The following MPRIP variants were observed in gnomAD, a reference collection of about 807,000 sequenced individuals.
MPRIP encodes the protein myosin phosphatase Rho-interacting protein.
Under a neutral mutation model 234.9 loss-of-function variants are expected in MPRIP, and 59 were observed. That is an observed-to-expected ratio of 0.25 (90% CI 0.20 to 0.31). The LOEUF (loss-of-function observed/expected upper bound fraction) is 0.31, where lower values mean the gene tolerates loss of function less well. MPRIP is among the 10% of genes least tolerant of loss of function. The pLI is 1.00. For synonymous variants in MPRIP, 1,144 were observed against 1,263.9 expected (o/e 0.91, Z 2.01); for missense variants, 2,436 against 3,071.0 (o/e 0.79, Z 4.89).
rs561802721 is a variant in MPRIP at position 17,096,949 on chromosome 17, C to T, written c.267+18873C>T. On this transcript the variant is annotated intron_variant, in intron 3 of 23. Transcript: ENST00000651222. ...GGGAAGACCAAGGGGCCAGCCATCG[C>T]AGGGAGCATAAGCACTGAGACAGGC... The T allele has an allele frequency of 9.2e-5, 36 of 390,648 alleles. No homozygotes were observed. The East Asian group carries it at 2.3e-3, about 25-fold the overall frequency. 24.2% of individuals were successfully genotyped at this position (390,648 alleles called of 1,614,324 possible).
chr17:17,135,191 T>G (rs2090670437), intron 5 of MPRIP, among the ~76,000 whole-genome samples: 1 of 152,256 alleles, frequency 6.6e-6, no homozygotes, highest in Non-Finnish European at 1.5e-5. Flanking sequence ...TGCTGTTGCC[T>G]GGATTCTGTG....
intron 16 of MPRIP, chr17:17,168,721 C>T: frequency 2.6e-6 from 1 of 387,574 alleles, no homozygotes; most frequent in Non-Finnish European, 5.2e-6. Context: ...ACCATGATAC[C>T]TGTGCCCTTA....
intron 20 of MPRIP, among the ~76,000 whole-genome samples, chr17:17,175,984 T>C (rs1326999439): frequency 6.6e-6 from 1 of 152,162 alleles, no homozygotes; most frequent in African/African-American, 2.4e-5. Context: ...GAGGGACCAG[T>C]GCTTGGTGTG....
intron 4 of MPRIP, among the ~76,000 whole-genome samples, chr17:17,127,774 G>GACA (rs2090521112): frequency 6.6e-6 from 1 of 152,250 alleles, no homozygotes; most frequent in Non-Finnish European, 1.5e-5. Flanking sequence ...CGAAGCCCTT[G>GACA]AGTTTGAACA....
chr17:17,128,174 G>A (rs986018963), intron 4 of MPRIP, among the ~76,000 whole-genome samples: 3 of 152,120 alleles, frequency 2.0e-5, no homozygotes, highest in East Asian at 1.9e-4. Flanking sequence ...GCTGTTGGCC[G>A]GGCAGCACAC....
chr17:17,067,743 G>C (rs1179542574), intron 1 of MPRIP, among the ~76,000 whole-genome samples: 4 of 146,268 alleles, frequency 2.7e-5, no homozygotes, highest in Non-Finnish European at 4.5e-5. Flanking sequence ...GGTAACACCA[G>C]CTTCATAAAA....
chr17:17,185,624 T>TCTTTTCTGCTGGAGTTATGAAAA lies in MPRIP; in HGVS notation c.*730_*731insCTTTTCTGCTGGAGTTATGAAAA. On this transcript the variant is annotated 3_prime_UTR_variant, in exon 24 of 24. Transcript: ENST00000651222. Reference sequence around the variant, plus strand: ...CGCTCGTTCCTTTCTTGGTCTCCAGTAACCCTGGTCTTTTCATAACTGCTC... The same window carrying TCTTTTCTGCTGGAGTTATGAAAA: ...CGCTCGTTCCTTTCTTGGTCTCCAGTCTTTTCTGCTGGAGTTATGAAAAAACCCTGGTCTTTTCATAACTGCTC... The TCTTTTCTGCTGGAGTTATGAAAA allele has an allele frequency of 2.2e-6, 1 of 454,934 alleles. No individual in the cohort carries two copies. Among genetic ancestry groups the TCTTTTCTGCTGGAGTTATGAAAA allele is most frequent in the Non-Finnish European group, 4.4e-6 (1 of 226,198 alleles). The allele number at this position is 454,934 out of a possible 1,614,324, so 28.2% of individuals were successfully genotyped here.
Position 17,158,445 on chromosome 17 carries a change from G to A in MPRIP, c.1843G>A (p.Glu615Lys). ...CCTGCCCCACAGCTCGTTGCCAGAGGAAAAAAACAAGAGCAGCTGCTCTTT... is the reference window on the plus strand; with the variant it reads ...CCTGCCCCACAGCTCGTTGCCAGAGAAAAAAAACAAGAGCAGCTGCTCTTT... Reference protein sequence around the residue: ...APDVTSSLPEEKNKSSCSFET... With the variant: ...APDVTSSLPEKKNKSSCSFET... Residue 615 changes from glutamate to lysine, a missense_variant, in exon 14 of 24, where the codon GAA becomes AAA. Glu to Lys is a moderately conservative substitution (Grantham distance 56, BLOSUM62 1). Coordinates refer to ENST00000651222, the MANE Select transcript of MPRIP (RefSeq NM_001364716.4). 2 of 1,570,376 alleles carry A rather than the reference G, an allele frequency of 1.3e-6. No individual in the cohort carries two copies. The highest frequency in any genetic ancestry group is 1.4e-5 in the African/African-American group (1 of 73,230).
rs962521481 is a variant in MPRIP at position 17,135,411 on chromosome 17, G to A, written c.505-808G>A. Among the ~76,000 whole-genome samples, 4 of 152,200 alleles carry A rather than the reference G, an allele frequency of 2.6e-5. No individual in the cohort carries two copies. In the East Asian group the frequency reaches 7.7e-4, roughly 29 times the overall value. Reference sequence around the variant, plus strand: ...AGAGAGCAAGCATGTGCACATGAATGTGTATATGCATTTGTGAGTGTGTGC... The same window carrying A: ...AGAGAGCAAGCATGTGCACATGAATATGTATATGCATTTGTGAGTGTGTGC... On this transcript the variant is annotated intron_variant, in intron 5 of 23. Transcript: ENST00000651222.
chr17:17,088,360 C>T (rs760194314), intron 3 of MPRIP, among the ~76,000 whole-genome samples: 4 of 152,120 alleles, frequency 2.6e-5, no homozygotes, highest in Non-Finnish European at 5.9e-5. Context: ...ACGTACTGGG[C>T]GTCTCCCTCC....
rs1217978022 is a variant in MPRIP at position 17,187,736 on chromosome 17, C to T, written c.*2842C>T. 1 of 152,192 alleles carries T rather than the reference C, an allele frequency of 6.6e-6. No individual in the cohort carries two copies. The highest frequency in any genetic ancestry group is 1.5e-5 in the Non-Finnish European group (1 of 68,070). 9.4% of individuals were successfully genotyped at this position (152,192 alleles called of 1,614,324 possible). On this transcript the variant is annotated 3_prime_UTR_variant, in exon 24 of 24. Coordinates refer to ENST00000651222, the MANE Select transcript of MPRIP (RefSeq NM_001364716.4). ...CTGGAAGGGATTTAACCCCTGAATTCCAGAGGGAAGAAAGAAGAACAGTGA... is the reference window on the plus strand; with the variant it reads ...CTGGAAGGGATTTAACCCCTGAATTTCAGAGGGAAGAAAGAAGAACAGTGA...
rs2045945404 is a variant in MPRIP, at chr17:17,164,737, C to T, written c.3146C>T (p.Ala1049Val). ...NLKEVEDKAS[A>V]YEDQLQGQAQ... is the part of the protein sequence containing the mutation. ...AAGGAAGTGGAAGACAAGGCCAGCG[C>T]CTATGAGGACCAGCTGCAGGGTCAG... Residue 1049 changes from alanine to valine, a missense_variant, in exon 16 of 24, where the codon GCC (alanine) becomes GTC (valine). Ala to Val is a moderately conservative substitution (Grantham distance 64). Transcript: ENST00000651222. 7.7e-7 allele frequency: 1 copy of T among 1,302,266 alleles called. No individual in the cohort carries two copies. The highest frequency in any genetic ancestry group is 1.5e-5 in the African/African-American group (1 of 65,722). The allele number at this position is 1,302,266 out of a possible 1,614,324, so 80.7% of individuals were successfully genotyped here.
intron 4 of MPRIP, among the ~76,000 whole-genome samples, chr17:17,130,135 G>A (rs899571111): frequency 2.0e-5 from 3 of 152,174 alleles, no homozygotes; most frequent in African/African-American, 7.2e-5. Flanking sequence ...CATTGCAGGT[G>A]TTTATTCATT....
At chr17:17,116,323 G>A (rs542398513) in intron 3 of MPRIP, among the ~76,000 whole-genome samples, 15 of 152,284 alleles carry the variant, frequency 9.9e-5, no homozygotes, top group Admixed American at 5.9e-4. Context: ...AGGCCTCTCC[G>A]GCAGGACAGT....
chr17:17,164,637 G>T lies in MPRIP; in HGVS notation c.3046G>T (p.Glu1016Ter). The stretch of plus-strand genomic sequence containing the variant: ...TGAGCAGGCGCAGCGGCTGATGGAG[G>T]AGAAGCTGCAGAGAAACTATGAGCT... ...ASEQAQRLME[E>*]KLQRNYELLL... The change falls in exon 16 of 24, where the codon GAG becomes TAG. Residue 1016 changes from glutamate to a stop codon, truncating the protein, a stop_gained. Transcript: ENST00000651222. LOFTEE classifies it high-confidence loss of function. 8.2e-7 allele frequency: 1 copy of T among 1,226,804 alleles called. No homozygotes were observed. The highest frequency in any genetic ancestry group is 1.0e-6 in the Non-Finnish European group (1 of 954,686). 76.0% of individuals were successfully genotyped at this position (1,226,804 alleles called of 1,614,324 possible).
rs769218928 is a variant in MPRIP, at chr17:17,176,407, G to A, written c.6871-19G>A. On this transcript the variant is annotated intron_variant, in intron 20 of 23. Coordinates refer to ENST00000651222, the MANE Select transcript of MPRIP (RefSeq NM_001364716.4). ...TCTTTGCTCCTGAATATTGGTCCCT[G>A]ATCTCTCTGTCATTTTAGGTCTTAT... 1 of 1,597,538 alleles carries A rather than the reference G, an allele frequency of 6.3e-7. No homozygotes were observed. The highest frequency in any genetic ancestry group is 1.7e-5 in the Admixed American group (1 of 60,006).
chr17:17,161,711 A>G (rs1005249233), intron 15 of MPRIP, among the ~76,000 whole-genome samples: 8 of 152,214 alleles, frequency 5.3e-5, no homozygotes, highest in South Asian at 2.1e-4. Context: ...AGTTTTCACT[A>G]TAGTAATATT....
At chr17:17,059,367 C>G (rs2088803712) in intron 1 of MPRIP, among the ~76,000 whole-genome samples, 1 of 152,194 alleles carries the variant, frequency 6.6e-6, no homozygotes, top group Admixed American at 6.5e-5. Context: ...GGTTTTGACT[C>G]AGGGACCCCA....
At chr17:17,077,846 A>G in intron 2 of MPRIP, 165 bp from the exon 3 acceptor site, 1 of 667,214 alleles carries the variant, frequency 1.5e-6, no homozygotes, top group Non-Finnish European at 2.7e-6. Context: ...ATGAATCAAC[A>G]TTCTTGTGCC....
Sources: gnomAD v4.1 joint callset for allele counts (sites outside exome capture counted in the v4.1 genomes callset) on GRCh38, gnomAD v4.1.1 for gene constraint, MANE v1.5 for transcripts, NCBI Gene and HGNC (gene_info 2026-07-23, HGNC 2026-07-21) for gene names.